Variants in DOCK2 observed in about 807,000 individuals in gnomAD.
The protein encoded by DOCK2 is dedicator of cytokinesis protein 2.
A neutral mutation model predicts 248.9 loss-of-function variants in DOCK2; 87 were observed. The ratio of observed to expected loss-of-function variants is 0.35; its 90% CI spans 0.29 to 0.42. DOCK2 has a LOEUF of 0.42. Ranked by LOEUF, DOCK2 falls within the 10% of genes least tolerant of loss-of-function variation. DOCK2 has a pLI of 1.00. For missense variants in DOCK2, 1,747 were observed against 2,300.2 expected (o/e 0.76, Z 4.92); for synonymous variants, 805 against 821.6 (o/e 0.98, Z 0.35).
At chr5:169,846,748 A>G (rs975293488) in intron 27 of DOCK2, among the ~76,000 whole-genome samples, 1 of 152,112 alleles carries the variant, frequency 6.6e-6, no homozygotes, top group Non-Finnish European at 1.5e-5. Context: ...TTTTTGTTAC[A>G]TGGATGAATT....
chr5:169,888,057 G>GA (rs60558785), intron 27 of DOCK2, among the ~76,000 whole-genome samples: 5,391 of 152,294 alleles, frequency 0.035, 194 homozygotes, highest in African/African-American at 0.091. Context: ...AGTTGAAAAT[G>GA]AAAATTTGAA....
chr5:169,663,896 C>A (rs1293063336), intron 2 of DOCK2, among the ~76,000 whole-genome samples: 2 of 152,222 alleles, frequency 1.3e-5, no homozygotes, highest in African/African-American at 4.8e-5. Flanking sequence ...CTCCTTGTTA[C>A]TTATATAAAT....
intron 8 of DOCK2, 100 bp downstream of exon 8, chr5:169,684,450 AAAAGAGACT>A: frequency 7.0e-7 from 1 of 1,429,268 alleles, no homozygotes; most frequent in Non-Finnish European, 9.5e-7. Context: ...CTCCACCTGG[AAAAGAGACT>A]GCACCTGAGT....
intron 25 of DOCK2, among the ~76,000 whole-genome samples, chr5:169,790,161 T>C (rs1766242356): frequency 6.6e-6 from 1 of 152,314 alleles, no homozygotes; most frequent in East Asian, 1.9e-4. Flanking sequence ...TTCTCTGAAA[T>C]GAAGGGCCCC....
chr5:170,047,438 C>T lies in DOCK2; in HGVS notation c.3967-72C>T, dbSNP rs886144689. On this transcript the variant is annotated intron_variant, in intron 39 of 51. Coordinates refer to ENST00000520908, the MANE Select transcript of DOCK2 (RefSeq NM_004946.3). ...TCTGGTATAATGAAAATGTCTTCACCAAGGCCTCTTTGAGTTGAATGTGCC... is the reference window on the plus strand; with the variant it reads ...TCTGGTATAATGAAAATGTCTTCACTAAGGCCTCTTTGAGTTGAATGTGCC... 3 of 1,365,026 alleles carry T rather than the reference C, an allele frequency of 2.2e-6. No individual in the cohort carries two copies. In the African/African-American group the frequency reaches 4.3e-5, roughly 20 times the overall value. The allele number at this position is 1,365,026 out of a possible 1,614,324, so 84.6% of individuals were successfully genotyped here.
chr5:169,637,401 C>T (rs1241675712), intron 1 of DOCK2, 32 bp downstream of exon 1: 2 of 1,353,494 alleles, frequency 1.5e-6, no homozygotes, highest in South Asian at 1.8e-5. Context: ...CGGCAGGGAG[C>T]GGGACAGGTG....
chr5:169,656,424 A>G (rs1758121505), intron 2 of DOCK2, among the ~76,000 whole-genome samples: 1 of 151,868 alleles, frequency 6.6e-6, no homozygotes, highest in African/African-American at 2.4e-5. Context: ...CCCAGATTCA[A>G]CTGATTCTTG....
At position 169,924,403 on chromosome 5, in the gene DOCK2, A is replaced by G. The variant is rs75780240; in HGVS notation, c.2800-58665A>G. 4.3e-3 allele frequency among the ~76,000 whole-genome samples: 651 copies of G among 152,268 alleles called. 6 individuals are homozygous for G. The highest frequency in any genetic ancestry group is 6.0e-3 in the Non-Finnish European group (410 of 68,012). Reference sequence around the variant, plus strand: ...TCAGTTTCCTGGTATCCAAAGGCCCATTTTACTTCCTCCAACCATCCTGTC... The same window carrying G: ...TCAGTTTCCTGGTATCCAAAGGCCCGTTTTACTTCCTCCAACCATCCTGTC... On this transcript the variant is annotated intron_variant, in intron 27 of 51. Transcript: ENST00000520908.
Position 169,763,989 on chromosome 5 carries a change from C to T in DOCK2, c.2554+2364C>T, listed in dbSNP as rs1764630224. 6.6e-6 allele frequency among the ~76,000 whole-genome samples: 1 copy of T among 152,190 alleles called. No homozygotes were observed. The highest frequency in any genetic ancestry group is 2.1e-4 in the South Asian group (1 of 4,830). On this transcript the variant is annotated intron_variant, in intron 25 of 51. Coordinates refer to ENST00000520908, the MANE Select transcript of DOCK2 (RefSeq NM_004946.3). The surrounding 1 kb of genome is among the most constrained non-coding windows in gnomAD (Gnocchi z 4.1). ...TTCAGCTCATCCCCTTTCTTAAATC[C>T]TCAAGTTCCCAATGAATAAAACCTG...
chr5:169,682,550 C>T (rs577428516), intron 7 of DOCK2, among the ~76,000 whole-genome samples: 42 of 152,280 alleles, frequency 2.8e-4, no homozygotes, highest in East Asian at 5.8e-4. Context: ...GTTATTCCCA[C>T]GGATGGGAAA....
intron 40 of DOCK2, among the ~76,000 whole-genome samples, chr5:170,048,727 T>C (rs1486264656): frequency 6.6e-6 from 1 of 152,110 alleles, no homozygotes; most frequent in Non-Finnish European, 1.5e-5. Context: ...CCTGAGAGGG[T>C]CTTGGGAACC....
intron 43 of DOCK2, 92 bp downstream of exon 43, chr5:170,056,860 A>G (rs1473406000): frequency 8.4e-7 from 1 of 1,193,720 alleles, no homozygotes; most frequent in Non-Finnish European, 1.2e-6. Flanking sequence ...AAGGAACTTG[A>G]TAGAAAGCCA....
At chr5:169,917,682 G>C (rs950548250) in intron 27 of DOCK2, among the ~76,000 whole-genome samples, 1 of 152,154 alleles carries the variant, frequency 6.6e-6, no homozygotes, top group East Asian at 1.9e-4. Context: ...GAAATGAAGG[G>C]GAGAACATGT....
chr5:169,760,618 G>T (rs1041226613), intron 24 of DOCK2, among the ~76,000 whole-genome samples: 5 of 152,106 alleles, frequency 3.3e-5, no homozygotes, highest in Non-Finnish European at 7.3e-5. Context: ...GCTACTGCTG[G>T]ATATTGTAAA....
At position 169,761,501 on chromosome 5, in the gene DOCK2, T is replaced by A. The variant is rs747857611; in HGVS notation, c.2448-18T>A. On this transcript the variant is annotated intron_variant, in intron 24 of 51. Coordinates refer to ENST00000520908, the MANE Select transcript of DOCK2 (RefSeq NM_004946.3). ...GGGTCTGCCTTGCTCTACCAGCTCCTATTTTTCCTGCCCTCAGCCAACTCC... is the reference window on the plus strand; with the variant it reads ...GGGTCTGCCTTGCTCTACCAGCTCCAATTTTTCCTGCCCTCAGCCAACTCC... 2.5e-6 allele frequency: 4 copies of A among 1,607,888 alleles called. No homozygotes were observed. Among genetic ancestry groups the A allele is most frequent in the Non-Finnish European group, 2.6e-6 (3 of 1,174,366 alleles).
At chr5:169,826,328 T>C (rs923718823) in intron 26 of DOCK2, among the ~76,000 whole-genome samples, 4 of 152,152 alleles carry the variant, frequency 2.6e-5, no homozygotes, top group African/African-American at 9.7e-5. Flanking sequence ...AGTTTTTCCC[T>C]GGTGAACAGG....
chr5:169,791,327 A>G (rs1054104346), intron 25 of DOCK2, among the ~76,000 whole-genome samples: 2 of 152,212 alleles, frequency 1.3e-5, no homozygotes, highest in African/African-American at 4.8e-5. Context: ...GGGAAGCCCA[A>G]CCGACTATAG....
At chr5:169,657,353 A>G (rs1340158505) in intron 2 of DOCK2, among the ~76,000 whole-genome samples, 1 of 152,210 alleles carries the variant, frequency 6.6e-6, no homozygotes, top group East Asian at 1.9e-4. Context: ...TTAGTCAAAA[A>G]TTAGTCAAAA....
In DOCK2 at chr5:169,661,597, C is replaced by G. The variant is rs546281031; in HGVS notation, c.127+7111C>G. The stretch of plus-strand genomic sequence containing the variant: ...TATCTGTTACCCTGTAACCTCTAAC[C>G]TACGTTTCCCCATTTCATTCCTCCC... On this transcript the variant is annotated intron_variant, in intron 2 of 51. Transcript: ENST00000520908. Among the ~76,000 whole-genome samples the G allele has an allele frequency of 2.6e-5, 4 of 152,260 alleles. No individual in the cohort carries two copies. The East Asian group carries it at 5.8e-4, about 22-fold the overall frequency.
Sources: allele counts gnomAD v4.1 joint callset (sites outside exome capture counted in the v4.1 genomes callset), GRCh38; gene constraint gnomAD v4.1.1; non-coding constraint Gnocchi (gnomAD v3.1); transcripts MANE v1.5; gene names NCBI Gene and HGNC (gene_info 2026-07-23, HGNC 2026-07-21).